CSNK1G3: variants seen among roughly 807,000 people sequenced by gnomAD.
The protein encoded by CSNK1G3 is casein kinase 1 gamma 3, also known as casein kinase I isoform gamma-3.
A neutral mutation model predicts 64.3 loss-of-function variants in CSNK1G3; 23 were observed. That is an observed-to-expected ratio of 0.36 (90% CI 0.26 to 0.51). The LOEUF (loss-of-function observed/expected upper bound fraction) is 0.51. Ranked by LOEUF, CSNK1G3 falls within the 20% of genes least tolerant of loss-of-function variation. CSNK1G3 has a pLI of 0.96. For synonymous variants in CSNK1G3, 158 were observed against 162.2 expected (o/e 0.97, Z 0.20); for missense variants, 357 against 510.5 (o/e 0.70, Z 2.90).
At chr5:123,598,431 TA>T (rs1793838298) in intron 10 of CSNK1G3, among the ~76,000 whole-genome samples, 1 of 152,120 alleles carries the variant, frequency 6.6e-6, no homozygotes, top group South Asian at 2.1e-4. Flanking sequence ...TAAGTGGAGA[TA>T]GCACAGGGTA....
intron 12 of CSNK1G3, among the ~76,000 whole-genome samples, chr5:123,608,937 C>T (rs1795834389): frequency 2.0e-5 from 3 of 152,066 alleles, no homozygotes; most frequent in Admixed American, 1.3e-4. Flanking sequence ...GGAGTATGTC[C>T]TCCTAGTTGG....
intron 6 of CSNK1G3, among the ~76,000 whole-genome samples, chr5:123,580,032 T>C (rs1789951584): frequency 6.6e-6 from 1 of 151,962 alleles, no homozygotes. Flanking sequence ...TACATAGCGG[T>C]GTTTTAAGTT....
intron 2 of CSNK1G3, among the ~76,000 whole-genome samples, chr5:123,551,839 G>T (rs1783723160): frequency 6.6e-6 from 1 of 151,914 alleles, no homozygotes. Context: ...CACTATAAAA[G>T]TAATACATGC....
intron 6 of CSNK1G3, among the ~76,000 whole-genome samples, chr5:123,581,770 G>T (rs919945029): frequency 5.3e-5 from 8 of 151,746 alleles, no homozygotes; most frequent in Non-Finnish European, 1.0e-4. Flanking sequence ...TGAGGAAGAG[G>T]TATTTTTGTT....
At chr5:123,516,205 G>A (rs1255204222) in intron 1 of CSNK1G3, among the ~76,000 whole-genome samples, 1 of 152,100 alleles carries the variant, frequency 6.6e-6, no homozygotes, top group African/African-American at 2.4e-5. Context: ...GATCCTGTAG[G>A]TGCAGACAGT....
intron 6 of CSNK1G3, among the ~76,000 whole-genome samples, chr5:123,587,771 A>G (rs776534974): frequency 6.6e-6 from 1 of 152,228 alleles, no homozygotes; most frequent in Non-Finnish European, 1.5e-5. Flanking sequence ...GACTCTGACC[A>G]TGGAACTCTT....
At chr5:123,567,418 T>C (rs557952628) in intron 4 of CSNK1G3, among the ~76,000 whole-genome samples, 5 of 152,164 alleles carry the variant, frequency 3.3e-5, no homozygotes, top group African/African-American at 1.2e-4. Context: ...CTGGCCAACA[T>C]AGGGAAACCC....
intron 10 of CSNK1G3, among the ~76,000 whole-genome samples, chr5:123,594,427 G>A (rs1793022531): frequency 6.6e-6 from 1 of 152,042 alleles, no homozygotes. Flanking sequence ...ATATATGTAG[G>A]ATTATCACTT....
chr5:123,529,214 G>A (rs1779536747), intron 1 of CSNK1G3, among the ~76,000 whole-genome samples: 1 of 152,162 alleles, frequency 6.6e-6, no homozygotes, highest in South Asian at 2.1e-4. Flanking sequence ...TAAATAAGGT[G>A]TCTTGAAAGA....
Position 123,557,572 on chromosome 5 carries a change from CTT to C in CSNK1G3, c.289+9_289+10del, listed in dbSNP as rs1784873768. ...AGCAGTTAGGATCTGGAGGTAAAGT[CTT>C]ATATTAATTTTTAAATTTGAAATAA... On this transcript the variant is annotated intron_variant, in intron 4 of 12. Transcript: ENST00000345990. The C allele has an allele frequency of 1.3e-6, 2 of 1,536,818 alleles. No individual in the cohort carries two copies. The highest frequency in any genetic ancestry group is 8.9e-7 in the Non-Finnish European group (1 of 1,129,458).
chr5:123,583,688 T>C (rs2150879058), intron 6 of CSNK1G3, among the ~76,000 whole-genome samples: 1 of 151,902 alleles, frequency 6.6e-6, no homozygotes, highest in East Asian at 1.9e-4. Context: ...ATTTTTATTT[T>C]TATTTTGTAG....
At chr5:123,535,533 A>G (rs1780652279) in intron 1 of CSNK1G3, among the ~76,000 whole-genome samples, 1 of 152,140 alleles carries the variant, frequency 6.6e-6, no homozygotes, top group Non-Finnish European at 1.5e-5. Flanking sequence ...TATTTTAATT[A>G]AAATTCTAAT....
At chr5:123,552,539 A>G (rs1401146585) in intron 2 of CSNK1G3, among the ~76,000 whole-genome samples, 1 of 152,144 alleles carries the variant, frequency 6.6e-6, no homozygotes, top group African/African-American at 2.4e-5. Context: ...ATTTGGAATT[A>G]ATTTTGTTGT....
chr5:123,528,935 G>A (rs6875515), intron 1 of CSNK1G3, among the ~76,000 whole-genome samples: 36,931 of 152,090 alleles, frequency 0.24, 4,753 homozygotes, highest in Middle Eastern at 0.29. Context: ...CAATGTGCGT[G>A]TTCCCAGTTG....
intron 4 of CSNK1G3, among the ~76,000 whole-genome samples, chr5:123,558,352 AT>A (rs1453613400): frequency 6.6e-6 from 1 of 152,162 alleles, no homozygotes; most frequent in African/African-American, 2.4e-5. Flanking sequence ...AAAAATTTCT[AT>A]TGTTTGTTAC....
intron 1 of CSNK1G3, among the ~76,000 whole-genome samples, chr5:123,520,285 C>CATAT (rs2149959064): frequency 6.6e-6 from 1 of 152,110 alleles, no homozygotes; most frequent in African/African-American, 2.4e-5. Context: ...TACATAGATA[C>CATAT]ATATATGTAT....
At chr5:123,583,902 A>G (rs1790826169) in intron 6 of CSNK1G3, among the ~76,000 whole-genome samples, 1 of 152,000 alleles carries the variant, frequency 6.6e-6, no homozygotes, top group African/African-American at 2.4e-5. Flanking sequence ...ATGTTGCCCA[A>G]GCTAGTCTTG....
chr5:123,559,402 C>CT (rs1460369770), intron 4 of CSNK1G3, among the ~76,000 whole-genome samples: 1 of 152,078 alleles, frequency 6.6e-6, no homozygotes, highest in Non-Finnish European at 1.5e-5. Flanking sequence ...ATTATTTTAA[C>CT]TTTTTTCTGT....
intron 10 of CSNK1G3, among the ~76,000 whole-genome samples, chr5:123,599,720 T>TG (rs1794106588): frequency 6.6e-6 from 1 of 152,256 alleles, no homozygotes; most frequent in African/African-American, 2.4e-5. Flanking sequence ...CATAGTTTTC[T>TG]GGGGTACTGA....
Sources: gnomAD v4.1 joint callset for allele counts (sites outside exome capture counted in the v4.1 genomes callset) on GRCh38, gnomAD v4.1.1 for gene constraint, MANE v1.5 for transcripts, NCBI Gene and HGNC (gene_info 2026-07-23, HGNC 2026-07-21) for gene names.